Variants in SIK3 observed in about 807,000 individuals in gnomAD.
SIK3 encodes SIK family kinase 3.
A neutral mutation model predicts 144.2 loss-of-function variants in SIK3; 28 were observed. That is an observed-to-expected ratio of 0.19 (90% CI 0.14 to 0.27). SIK3 has a LOEUF of 0.27. Ranked by LOEUF, SIK3 falls within the 10% of genes least tolerant of loss-of-function variation. The pLI is 1.00. For missense variants in SIK3, 1,319 were observed against 1,776.0 expected (o/e 0.74, Z 4.62); for synonymous variants, 686 against 676.3 (o/e 1.01, Z -0.22).
chr11:116,958,852 A>G (rs1360215133), intron 1 of SIK3, among the ~76,000 whole-genome samples: 1 of 152,200 alleles, frequency 6.6e-6, no homozygotes, highest in Non-Finnish European at 1.5e-5. Context: ...CAACTGGTCT[A>G]GCATCTGCTC....
chr11:116,947,157 A>ATAATATATAAATTATTAT (rs1372096243), intron 3 of SIK3, among the ~76,000 whole-genome samples: 16 of 138,428 alleles, frequency 1.2e-4, no homozygotes, highest in East Asian at 5.9e-4. Context: ...TATATAATAT[A>ATAATATATAAATTATTAT]TTATATATAA....
intron 11 of SIK3, among the ~76,000 whole-genome samples, chr11:116,874,353 T>G (rs1944130153): frequency 6.6e-6 from 1 of 152,232 alleles, no homozygotes; most frequent in South Asian, 2.1e-4. Context: ...TTTCAAATCC[T>G]GGAGGTGAAC....
chr11:117,072,503 G>T (rs1009158156), intron 1 of SIK3, among the ~76,000 whole-genome samples: 3 of 152,150 alleles, frequency 2.0e-5, no homozygotes, highest in Non-Finnish European at 4.4e-5. Context: ...TTTTCACTAA[G>T]ATAGCTATTC....
At chr11:117,052,324 A>T (rs909147585) in intron 1 of SIK3, among the ~76,000 whole-genome samples, 2 of 152,220 alleles carry the variant, frequency 1.3e-5, no homozygotes, top group Admixed American at 1.3e-4. Flanking sequence ...ATATCATAGC[A>T]GTAGGCAGGA....
At chr11:116,989,232 A>G (rs893426740) in intron 1 of SIK3, among the ~76,000 whole-genome samples, 1 of 151,994 alleles carries the variant, frequency 6.6e-6, no homozygotes, top group Non-Finnish European at 1.5e-5. Context: ...TGTCTCTCAG[A>G]TGATATGTGT....
At chr11:116,962,831 TATA>T (rs1315097184) in intron 1 of SIK3, among the ~76,000 whole-genome samples, 2 of 152,186 alleles carry the variant, frequency 1.3e-5, no homozygotes, top group Admixed American at 6.5e-5. Context: ...ATGTGGAAAT[TATA>T]ATATTTTAGA....
At chr11:116,949,527 T>C (rs1166895385) in intron 3 of SIK3, among the ~76,000 whole-genome samples, 1 of 152,236 alleles carries the variant, frequency 6.6e-6, no homozygotes, top group African/African-American at 2.4e-5. Context: ...TTTTTGTTTT[T>C]ATTTAAGACA....
At chr11:116,848,989 C>T in intron 22 of SIK3, 131 bp downstream of exon 22, 1 of 1,063,510 alleles carries the variant, frequency 9.4e-7, no homozygotes, top group Non-Finnish European at 1.3e-6. Flanking sequence ...GAAATGCTCC[C>T]CACCGTTTCC....
At chr11:117,091,200 C>CTTT (rs386375011) in intron 1 of SIK3, among the ~76,000 whole-genome samples, 1,142 of 92,922 alleles carry the variant, frequency 0.012, 2 homozygotes, top group Non-Finnish European at 0.018. Flanking sequence ...TTTTTTTTTT[C>CTTT]TTTTTTTTTT....
intron 1 of SIK3, chr11:117,036,158 C>A: frequency 2.1e-6 from 1 of 480,688 alleles, no homozygotes; most frequent in Non-Finnish European, 3.6e-6. Context: ...TGGCTTCAAG[C>A]AATCCTTTCA....
intron 1 of SIK3, among the ~76,000 whole-genome samples, chr11:116,998,700 G>C (rs768841393): frequency 6.6e-6 from 1 of 152,214 alleles, no homozygotes; most frequent in Non-Finnish European, 1.5e-5. Context: ...CTAATGCCTC[G>C]AGAAAGCCCA....
chr11:117,086,860 T>A (rs1185514692), intron 1 of SIK3, among the ~76,000 whole-genome samples: 1 of 151,730 alleles, frequency 6.6e-6, no homozygotes, highest in Non-Finnish European at 1.5e-5. Context: ...CCAGGTGTGG[T>A]GGCACGTGCC....
intron 17 of SIK3, 27 bp from the exon 18 acceptor site, chr11:116,861,953 A>G: frequency 1.3e-6 from 2 of 1,522,910 alleles, no homozygotes; most frequent in African/African-American, 2.7e-5. Flanking sequence ...GAAAGGAAAA[A>G]AATTATTGTG....
chr11:116,936,421 C>G (rs1463270049), intron 3 of SIK3, among the ~76,000 whole-genome samples: 1 of 152,148 alleles, frequency 6.6e-6, no homozygotes, highest in Non-Finnish European at 1.5e-5. Context: ...AGTAATGCAC[C>G]TACCTCAGCC....
At chr11:116,991,953 C>T (rs1362307531) in intron 1 of SIK3, among the ~76,000 whole-genome samples, 1 of 152,080 alleles carries the variant, frequency 6.6e-6, no homozygotes. Flanking sequence ...TACACCCATA[C>T]ACGTATATCA....
intron 1 of SIK3, among the ~76,000 whole-genome samples, chr11:117,092,484 C>T (rs765420131): frequency 8.9e-4 from 135 of 152,220 alleles, no homozygotes; most frequent in Non-Finnish European, 2.4e-4. Flanking sequence ...TTCTCTAGTC[C>T]GTTTATTTTC....
Position 116,862,238 on chromosome 11 carries a change from C to T in SIK3, c.2193G>A (p.Gln731=). 1 of 1,614,192 alleles carries T rather than the reference C, an allele frequency of 6.2e-7. No individual in the cohort carries two copies. ...KTQQQHMLYQ[Q]EQHHQILQQQ... is the part of the protein sequence containing the mutation. ...GCTGGAGAATTTGATGGTGCTGCTC[C>T]TGCTGGTATAACATATGCTGCTGCT... The change falls in exon 17 of 25, where the codon CAG becomes CAA. Residue 731 remains glutamine, a synonymous_variant. Transcript: ENST00000445177.
At chr11:116,861,810 T>C (rs1389377198) in intron 18 of SIK3, 31 bp downstream of exon 18, 7 of 1,487,790 alleles carry the variant, frequency 4.7e-6, no homozygotes, top group African/African-American at 1.4e-5. Context: ...ATCGAGACAA[T>C]GGCTTAGGCA....
At chr11:117,024,279 C>T (rs954900992) in intron 1 of SIK3, among the ~76,000 whole-genome samples, 4 of 145,784 alleles carry the variant, frequency 2.7e-5, no homozygotes, top group East Asian at 2.0e-4. Context: ...ACCTCAAAGG[C>T]GGAAAGGAAA....
Sources: gnomAD v4.1 joint callset for allele counts (sites outside exome capture counted in the v4.1 genomes callset) on GRCh38, gnomAD v4.1.1 for gene constraint, MANE v1.5 for transcripts, NCBI Gene and HGNC (gene_info 2026-07-23, HGNC 2026-07-21) for gene names.